The following EEA1 variants were observed in gnomAD, a reference collection of about 807,000 sequenced individuals.
The protein encoded by EEA1 is early endosome antigen 1, 162kD.
A neutral mutation model predicts 209.2 loss-of-function variants in EEA1; 111 were observed. That is an observed-to-expected ratio of 0.53 (90% confidence interval 0.45 to 0.62). The LOEUF is 0.62. EEA1 is among the 20% of genes least tolerant of loss of function. EEA1 has a pLI of 0.00. For missense variants in EEA1, 1,343 were observed against 1,530.8 expected, an observed-to-expected ratio of 0.88 and a Z score of 2.05; for synonymous variants, 536 against 540.6, an observed-to-expected ratio of 0.99 and a Z score of 0.12.
In EEA1 at chr12:92,801,704, TA is replaced by T. The variant is rs745621624; in HGVS notation, c.2671-4del. On this transcript the variant is annotated splice_polypyrimidine_tract_variant and splice_region_variant and intron_variant, in intron 19 of 28. Transcript: ENST00000322349. ...TTTAATTCTTTGCAAGTTTTTTCCT[TA>T]AAAAAAATGAAAACTATATTACATA... 56 of 1,558,328 alleles carry T rather than the reference TA, an allele frequency of 3.6e-5. No homozygotes were observed. Among genetic ancestry groups the T allele is most frequent in the East Asian group, 3.2e-4 (14 of 43,876 alleles).
chr12:92,843,049 T>A (rs1877236805), intron 9 of EEA1, among the ~76,000 whole-genome samples: 1 of 152,202 alleles, frequency 6.6e-6, no homozygotes, highest in Non-Finnish European at 1.5e-5. Flanking sequence ...AAAGAAAATA[T>A]CTTTGTCCAA....
Position 92,811,274 on chromosome 12 carries a change from C to T in EEA1, c.2199+5G>A. On this transcript the variant is annotated splice_donor_5th_base_variant and intron_variant, in intron 17 of 28. Transcript: ENST00000322349. ...ATGACTAAATTCAACTTCTTTTATA[C>T]AAACCTTAATTTGACCTTCTAGCTC... 1 of 1,523,256 alleles carries T rather than the reference C, an allele frequency of 6.6e-7. No individual in the cohort carries two copies. The highest frequency in any genetic ancestry group is 8.8e-7 in the Non-Finnish European group (1 of 1,137,584). The allele number at this position is 1,523,256 out of a possible 1,614,324, so 94.4% of individuals were successfully genotyped here. A position where few individuals can be genotyped will look rare whatever the true frequency, so the allele number is the denominator to read the frequency against.
At position 92,775,071 on chromosome 12, in the gene EEA1, C is replaced by T. The variant is rs758265121; in HGVS notation, c.*940G>A. ...ATCAGATCTATGTAAAAAGCAAACTCAGGTTCCTGAAGATGCTAGAGAGAC... is the reference window on the plus strand; with the variant it reads ...ATCAGATCTATGTAAAAAGCAAACTTAGGTTCCTGAAGATGCTAGAGAGAC... On this transcript the variant is annotated 3_prime_UTR_variant, in exon 29 of 29. Transcript: ENST00000322349. 4.0e-5 allele frequency: 6 copies of T among 151,608 alleles called. No homozygotes were observed. Among genetic ancestry groups the T allele is most frequent in the Non-Finnish European group, 7.4e-5 (5 of 67,646 alleles). The allele number at this position is 151,608 out of a possible 1,614,324, so 9.4% of individuals were successfully genotyped here. A position where few individuals can be genotyped will look rare whatever the true frequency, so the allele number is the denominator to read the frequency against.
At chr12:92,816,070 T>C (rs1875768769) in intron 15 of EEA1, 130 bp downstream of exon 15, 2 of 764,432 alleles carry the variant, frequency 2.6e-6, no homozygotes, top group South Asian at 1.9e-5. Context: ...TATCTAGATA[T>C]AGCCTTTATC....
intron 22 of EEA1, among the ~76,000 whole-genome samples, chr12:92,783,526 C>G (rs1873997798): frequency 6.6e-6 from 1 of 152,160 alleles, no homozygotes; most frequent in Non-Finnish European, 1.5e-5. Context: ...TAGAATGAGG[C>G]TCTATCCTGA....
chr12:92,925,714 T>C (rs1406733472), intron 1 of EEA1, among the ~76,000 whole-genome samples: 1 of 152,184 alleles, frequency 6.6e-6, no homozygotes, highest in Non-Finnish European at 1.5e-5. Context: ...TTGTTTTTGT[T>C]TTCCAGCTTC....
At chr12:92,855,795 A>G (rs1328326102) in intron 5 of EEA1, among the ~76,000 whole-genome samples, 4 of 152,228 alleles carry the variant, frequency 2.6e-5, no homozygotes, top group African/African-American at 9.6e-5. Context: ...GCACTGTGGA[A>G]AAGTTATTTA....
At chr12:92,898,721 CTTTTTTT>C (rs1565856296) in intron 1 of EEA1, among the ~76,000 whole-genome samples, 3 of 133,584 alleles carry the variant, frequency 2.2e-5, no homozygotes, top group Non-Finnish European at 4.8e-5. Context: ...TTTTTTTTTC[CTTTTTTT>C]CCCTTTTTTT....
chr12:92,928,137 CA>C (rs202147424), intron 1 of EEA1, among the ~76,000 whole-genome samples: 2,437 of 141,600 alleles, frequency 0.017, 38 homozygotes, highest in Non-Finnish European at 0.027. Context: ...CTATCAGCCT[CA>C]AAAAGAAAAG....
At chr12:92,922,721 G>A (rs1346987528) in intron 1 of EEA1, among the ~76,000 whole-genome samples, 2 of 152,130 alleles carry the variant, frequency 1.3e-5, no homozygotes, top group African/African-American at 4.8e-5. Context: ...GGGAAGCCGA[G>A]GCGGGCGGAT....
At chr12:92,904,578 G>A (rs749637166) in intron 1 of EEA1, among the ~76,000 whole-genome samples, 4 of 152,080 alleles carry the variant, frequency 2.6e-5, no homozygotes, top group Admixed American at 1.3e-4. Flanking sequence ...AACACCAATA[G>A]CAAATAAAAG....
At chr12:92,923,344 T>C (rs1044216213) in intron 1 of EEA1, among the ~76,000 whole-genome samples, 5 of 152,114 alleles carry the variant, frequency 3.3e-5, no homozygotes, top group African/African-American at 9.6e-5. Context: ...CGAGACTCCG[T>C]CTCAAAACAA....
At chr12:92,782,470 AC>A (rs1873946052) in intron 22 of EEA1, among the ~76,000 whole-genome samples, 1 of 152,196 alleles carries the variant, frequency 6.6e-6, no homozygotes, top group African/African-American at 2.4e-5. Context: ...ATAAGTAGGG[AC>A]CATATCAGAT....
intron 2 of EEA1, among the ~76,000 whole-genome samples, chr12:92,882,271 C>T (rs980425676): frequency 9.2e-5 from 14 of 151,962 alleles, no homozygotes; most frequent in Non-Finnish European, 1.5e-4. Flanking sequence ...CCATGACTGG[C>T]TAATTTTTGT....
rs1018189963 is a variant in EEA1, at chr12:92,792,855, T to G, written c.2968-4806A>C. Among the ~76,000 whole-genome samples the G allele has an allele frequency of 3.3e-5, 5 of 152,318 alleles. No individual in the cohort carries two copies. In the Middle Eastern group the frequency reaches 0.01, roughly 311 times the overall value. ...AAAGAGAATTTGAGGTCAATATCCC[T>G]GATGAACATCGATGCGAAAATCCTC... On this transcript the variant is annotated intron_variant, in intron 21 of 28. Coordinates refer to ENST00000322349, the MANE Select transcript of EEA1 (RefSeq NM_003566.4).
chr12:92,828,589 A>G (rs1177859190), intron 11 of EEA1, among the ~76,000 whole-genome samples: 2 of 147,622 alleles, frequency 1.4e-5, no homozygotes, highest in Admixed American at 1.4e-4. Context: ...GATCATATAT[A>G]TAGATATATA....
chr12:92,890,475 CAG>C (rs543592328), intron 2 of EEA1, among the ~76,000 whole-genome samples: 3 of 152,048 alleles, frequency 2.0e-5, no homozygotes, highest in Non-Finnish European at 4.4e-5. Flanking sequence ...TAAAAAGAGA[CAG>C]ATTTCAAAAC....
intron 20 of EEA1, 62 bp downstream of exon 20, chr12:92,801,537 AT>A: frequency 9.2e-7 from 1 of 1,082,954 alleles, no homozygotes; most frequent in South Asian, 1.7e-5. Context: ...TTATATATTT[AT>A]TTGAAAATAT....
chr12:92,842,710 C>T (rs1166490146), intron 9 of EEA1, 129 bp from the exon 10 acceptor site: 2 of 621,176 alleles, frequency 3.2e-6, no homozygotes, highest in African/African-American at 3.9e-5. Flanking sequence ...TGTTCTTTAT[C>T]CTACCACCTA....
Sources: allele counts gnomAD v4.1 joint callset (sites outside exome capture counted in the v4.1 genomes callset), GRCh38; gene constraint gnomAD v4.1.1; transcripts MANE v1.5; gene names NCBI Gene and HGNC (gene_info 2026-07-23, HGNC 2026-07-21).